The following SPECC1 variants were observed in gnomAD, a reference collection of about 807,000 sequenced individuals.
SPECC1 encodes the protein sperm antigen with calponin homology and coiled-coil domains 1.
A neutral mutation model predicts 104.1 loss-of-function variants in SPECC1; 62 were observed. The ratio of observed to expected loss-of-function variants is 0.60; its 90% CI spans 0.49 to 0.74. SPECC1 has a LOEUF of 0.74. SPECC1 is among the 30% of genes least tolerant of loss of function. The pLI is 0.00. For missense variants in SPECC1, 1,306 were observed against 1,310.5 expected (o/e 1.00, Z 0.05); for synonymous variants, 513 against 501.6 (o/e 1.02, Z -0.30).
intron 4 of SPECC1, among the ~76,000 whole-genome samples, chr17:20,206,247 G>A (rs531836132): frequency 1.5e-4 from 23 of 152,324 alleles, no homozygotes; most frequent in Non-Finnish European, 1.6e-4. Context: ...GGGGTTGGGC[G>A]TAGCACAGAA....
intron 1 of SPECC1, among the ~76,000 whole-genome samples, chr17:20,066,075 C>T (rs1201076328): frequency 6.6e-6 from 1 of 152,172 alleles, no homozygotes; most frequent in Non-Finnish European, 1.5e-5. Flanking sequence ...TATCCATACC[C>T]ATTTTCTGAT....
At chr17:20,063,403 G>A (rs544426160) in intron 1 of SPECC1, among the ~76,000 whole-genome samples, 8 of 151,968 alleles carry the variant, frequency 5.3e-5, no homozygotes, top group Admixed American at 5.2e-4. Flanking sequence ...TCCTAATTTG[G>A]GTACCTTCCT....
At chr17:20,303,245 A>T (rs901530608) in intron 13 of SPECC1, among the ~76,000 whole-genome samples, 1 of 152,236 alleles carries the variant, frequency 6.6e-6, no homozygotes, top group South Asian at 2.1e-4. Flanking sequence ...GCACCAAAAT[A>T]GGAGATTGCT....
intron 12 of SPECC1, among the ~76,000 whole-genome samples, chr17:20,294,731 T>C (rs1246941705): frequency 6.6e-6 from 1 of 151,590 alleles, no homozygotes; most frequent in Non-Finnish European, 1.5e-5. Flanking sequence ...TGGTAGTGAT[T>C]CCTCCTTGAC....
chr17:20,022,249 C>T (rs1471343201), intron 1 of SPECC1, among the ~76,000 whole-genome samples: 1 of 152,216 alleles, frequency 6.6e-6, no homozygotes, highest in East Asian at 1.9e-4. Flanking sequence ...CAGCAGTTTC[C>T]CTCTTTTTAT....
At chr17:20,221,455 C>A (rs1010493195) in intron 4 of SPECC1, among the ~76,000 whole-genome samples, 1 of 152,076 alleles carries the variant, frequency 6.6e-6, no homozygotes, top group African/African-American at 2.4e-5. Flanking sequence ...CATATAGTTG[C>A]TCATAGTAGT....
chr17:20,030,764 T>G (rs1341438937), intron 1 of SPECC1, among the ~76,000 whole-genome samples: 4 of 152,182 alleles, frequency 2.6e-5, no homozygotes, highest in Admixed American at 2.6e-4. Context: ...GTGTTTCTTC[T>G]AAGGCAACAA....
rs1597662344 is a variant in SPECC1, at chr17:20,081,185, TC to T, written c.-21-15445del. 1.1e-4 allele frequency among the ~76,000 whole-genome samples: 17 copies of T among 152,148 alleles called. No homozygotes were observed. In the East Asian group the frequency reaches 3.3e-3, roughly 30 times the overall value. ...TTTTCCCAATTGATATCTGGTATTTTCAAGGCCATTTGATAGTTCCCTACAC... is the reference window on the plus strand; with the variant it reads ...TTTTCCCAATTGATATCTGGTATTTTAAGGCCATTTGATAGTTCCCTACAC... On this transcript the variant is annotated intron_variant, in intron 1 of 14. Transcript: ENST00000395527.
chr17:20,045,239 C>A (rs1043454874), intron 1 of SPECC1, among the ~76,000 whole-genome samples: 1 of 152,146 alleles, frequency 6.6e-6, no homozygotes, highest in Non-Finnish European at 1.5e-5. Flanking sequence ...ACGTAACACA[C>A]AGCTTTTTAT....
chr17:20,218,552 T>G (rs1052397706), intron 4 of SPECC1, among the ~76,000 whole-genome samples: 3 of 152,168 alleles, frequency 2.0e-5, no homozygotes, highest in African/African-American at 7.2e-5. Flanking sequence ...CAGGCAGGGC[T>G]CTCTGGCTGT....
At chr17:20,138,306 C>T (rs145777417) in intron 3 of SPECC1, among the ~76,000 whole-genome samples, 3 of 152,132 alleles carry the variant, frequency 2.0e-5, no homozygotes, top group African/African-American at 7.2e-5. Flanking sequence ...CCTCTGCCCC[C>T]ACACATGTAC....
chr17:20,216,984 G>T (rs1210557752), intron 4 of SPECC1, among the ~76,000 whole-genome samples: 1 of 151,614 alleles, frequency 6.6e-6, no homozygotes, highest in Non-Finnish European at 1.5e-5. Context: ...GAGACCCCAT[G>T]TCTTAAAAAA....
intron 1 of SPECC1, among the ~76,000 whole-genome samples, chr17:20,042,794 G>GA (rs2045385918): frequency 6.6e-6 from 1 of 152,184 alleles, no homozygotes; most frequent in African/African-American, 2.4e-5. Flanking sequence ...CTCCAAGTCT[G>GA]AGATAATGAA....
At chr17:20,215,210 A>G (rs934548330) in intron 4 of SPECC1, among the ~76,000 whole-genome samples, 16 of 152,290 alleles carry the variant, frequency 1.1e-4, no homozygotes, top group African/African-American at 3.8e-4. Context: ...ATGTTCCATG[A>G]ATGCATTTCA....
At chr17:20,117,284 A>G (rs887459776) in intron 3 of SPECC1, among the ~76,000 whole-genome samples, 9 of 152,228 alleles carry the variant, frequency 5.9e-5, no homozygotes, top group Non-Finnish European at 1.2e-4. Context: ...TGAAACTGCA[A>G]GACTACAAAG....
At chr17:20,295,014 CTATTAT>C (rs34174703) in intron 12 of SPECC1, among the ~76,000 whole-genome samples, 1 of 149,238 alleles carries the variant, frequency 6.7e-6, no homozygotes, top group Admixed American at 6.7e-5. Flanking sequence ...AGATTCCCAT[CTATTAT>C]TATTATTATT....
chr17:20,116,733 C>T (rs1221379319), intron 3 of SPECC1, among the ~76,000 whole-genome samples: 6 of 149,124 alleles, frequency 4.0e-5, no homozygotes, highest in African/African-American at 1.2e-4. Context: ...ATCTAAAACC[C>T]GTTGTTCTCA....
chr17:20,301,954 C>T (rs1305881344), intron 13 of SPECC1, among the ~76,000 whole-genome samples: 1 of 152,208 alleles, frequency 6.6e-6, no homozygotes, highest in Non-Finnish European at 1.5e-5. Context: ...GATCCACCCG[C>T]TTGGGCCTCC....
At chr17:20,145,080 T>A (rs2031303628) in intron 3 of SPECC1, among the ~76,000 whole-genome samples, 1 of 152,246 alleles carries the variant, frequency 6.6e-6, no homozygotes, top group South Asian at 2.1e-4. Context: ...AACTATTTGT[T>A]TTCTGTGAAT....
Sources: allele counts gnomAD v4.1 joint callset (sites outside exome capture counted in the v4.1 genomes callset), GRCh38; gene constraint gnomAD v4.1.1; transcripts MANE v1.5; gene names NCBI Gene and HGNC (gene_info 2026-07-23, HGNC 2026-07-21).